PCDHA4: variants seen among roughly 807,000 people sequenced by gnomAD.
PCDHA4 encodes the protein protocadherin alpha 4, also known as protocadherin alpha-4.
In PCDHA4, 49 loss-of-function variants were observed where a neutral mutation model predicts 61.4. The observed-to-expected ratio is 0.80, with a 90% confidence interval of 0.63 to 1.01. The LOEUF (loss-of-function observed/expected upper bound fraction) is 1.01. PCDHA4 is among the 50% of genes least tolerant of loss of function. The pLI is 0.00. For synonymous variants in PCDHA4, 590 were observed against 550.3 expected, an observed-to-expected ratio of 1.07 and a Z score of -1.01; for missense variants, 1,254 against 1,235.8, an observed-to-expected ratio of 1.01 and a Z score of -0.22.
At chr5:140,934,729 T>G (rs2090016432) in intron 1 of PCDHA4, among the ~76,000 whole-genome samples, 1 of 152,164 alleles carries the variant, frequency 6.6e-6, no homozygotes, top group Non-Finnish European at 1.5e-5. Context: ...CAAGGCCTTT[T>G]TTAGGTGTCA....
chr5:140,952,113 G>T (rs2094688731), intron 1 of PCDHA4, among the ~76,000 whole-genome samples: 1 of 151,990 alleles, frequency 6.6e-6, no homozygotes. Flanking sequence ...TCGTGTGAGG[G>T]ATGGGCTCCC....
At position 140,931,063 on chromosome 5, in the gene PCDHA4, A is replaced by C. The variant is rs1584700470; in HGVS notation, c.2386-47886A>C. Among the ~76,000 whole-genome samples, 4 of 152,202 alleles carry C rather than the reference A, an allele frequency of 2.6e-5. No individual in the cohort carries two copies. In the South Asian group the frequency reaches 8.3e-4, roughly 31 times the overall value. On this transcript the variant is annotated intron_variant, in intron 1 of 3. Coordinates refer to ENST00000530339, the MANE Select transcript of PCDHA4 (RefSeq NM_018907.4). ...GAAAAACTTCAATGCTGTGTCTGGGACTAAGTATGAGTCCAGTTCTACAGA... is the reference window on the plus strand; with the variant it reads ...GAAAAACTTCAATGCTGTGTCTGGGCCTAAGTATGAGTCCAGTTCTACAGA...
chr5:140,905,580 T>C (rs2071928885), intron 1 of PCDHA4, among the ~76,000 whole-genome samples: 1 of 152,168 alleles, frequency 6.6e-6, no homozygotes, highest in Non-Finnish European at 1.5e-5. Flanking sequence ...AGAATGATAA[T>C]GATATTTTGC....
intron 1 of PCDHA4, chr5:140,871,249 C>A (rs782675743): frequency 8.1e-6 from 13 of 1,613,984 alleles, no homozygotes; most frequent in South Asian, 1.1e-5. Flanking sequence ...CACGCTGCTG[C>A]TGTATACGGC....
chr5:140,994,149 G>A (rs1299780463), intron 3 of PCDHA4, among the ~76,000 whole-genome samples: 2 of 152,174 alleles, frequency 1.3e-5, no homozygotes, highest in Non-Finnish European at 2.9e-5. Context: ...TACGTAGGTA[G>A]GGTCAACGAA....
Position 140,982,372 on chromosome 5 carries a change from C to G in PCDHA4, c.2445-103C>G, listed in dbSNP as rs1479669249. 1.9e-6 allele frequency: 3 copies of G among 1,554,840 alleles called. No homozygotes were observed. In the East Asian group the frequency reaches 7.0e-5, roughly 36 times the overall value. ...TTCAAGCATGAGCAGAATGTGTTAG[C>G]TGCAGCCCTGGCTTCATAGTTGTAA... On this transcript the variant is annotated intron_variant, in intron 2 of 3. Coordinates refer to ENST00000530339, the MANE Select transcript of PCDHA4 (RefSeq NM_018907.4).
intron 1 of PCDHA4, chr5:140,836,797 C>T: frequency 7.4e-7 from 1 of 1,343,980 alleles, no homozygotes; most frequent in Non-Finnish European, 1.0e-6. Context: ...AATTGGTCTC[C>T]TTAAATTTTC....
At chr5:140,959,549 A>G (rs1240469168) in intron 1 of PCDHA4, among the ~76,000 whole-genome samples, 1 of 152,248 alleles carries the variant, frequency 6.6e-6, no homozygotes, top group East Asian at 1.9e-4. Flanking sequence ...TGCTGTATAA[A>G]TAGAATCAGT....
rs545282445 is a variant in PCDHA4 at position 140,862,074 on chromosome 5, A to G, written c.2385+52502A>G. On this transcript the variant is annotated intron_variant, in intron 1 of 3. Transcript: ENST00000530339. The stretch of plus-strand genomic sequence containing the variant: ...TTTCTTTGCAACTGATGTCTCCCCT[A>G]ACATAGAAGCCCTTTTTCGCATAGA... 8.3e-5 allele frequency: 13 copies of G among 157,080 alleles called. No homozygotes were observed. The South Asian group carries it at 2.1e-3, about 26-fold the overall frequency. 9.7% of individuals were successfully genotyped at this position (157,080 alleles called of 1,614,324 possible).
intron 1 of PCDHA4, chr5:140,822,621 T>A (rs1767369085): frequency 6.2e-7 from 1 of 1,611,630 alleles, no homozygotes; most frequent in African/African-American, 1.3e-5. Context: ...TCTTTAGTAA[T>A]CTTGTTCTTG....
intron 1 of PCDHA4, chr5:140,822,447 A>T: frequency 6.2e-7 from 1 of 1,613,894 alleles, no homozygotes; most frequent in Non-Finnish European, 8.5e-7. Flanking sequence ...TAACAGGTAC[A>T]GTTCAGTTGT....
intron 1 of PCDHA4, chr5:140,854,391 A>C (rs251359): frequency 0.5 from 77,721 of 154,576 alleles, 22,387 homozygotes; most frequent in South Asian, 0.62. Flanking sequence ...TTACATTTTA[A>C]TTCAGGGTTT....
chr5:140,925,069 C>T (rs1240618705), intron 1 of PCDHA4, among the ~76,000 whole-genome samples: 1 of 149,418 alleles, frequency 6.7e-6, no homozygotes, highest in Non-Finnish European at 1.5e-5. Context: ...AACAAAGCAA[C>T]ACGCTCATCT....
intron 1 of PCDHA4, chr5:140,876,048 T>C (rs376201695): frequency 6.2e-7 from 1 of 1,613,930 alleles, no homozygotes. Context: ...GTATATTGCC[T>C]GAATTAGTTC....
At chr5:140,869,964 T>C (rs546576795) in intron 1 of PCDHA4, 1 of 1,613,046 alleles carries the variant, frequency 6.2e-7, no homozygotes, top group Non-Finnish European at 8.5e-7. Context: ...TTAAGCCCAA[T>C]GGAAGACACT....
intron 1 of PCDHA4, chr5:140,836,251 G>A: frequency 6.2e-7 from 1 of 1,613,786 alleles, no homozygotes; most frequent in South Asian, 1.1e-5. Flanking sequence ...ATCCCGTTCC[G>A]CGTGGGGCTG....
intron 1 of PCDHA4, among the ~76,000 whole-genome samples, chr5:140,910,320 A>G (rs1362740704): frequency 1.3e-5 from 2 of 152,212 alleles, no homozygotes; most frequent in African/African-American, 4.8e-5. Flanking sequence ...CATGAGTCAG[A>G]CTATTGTGAT....
chr5:140,891,055 G>A (rs2062932146), intron 1 of PCDHA4, among the ~76,000 whole-genome samples: 1 of 152,142 alleles, frequency 6.6e-6, no homozygotes, highest in Admixed American at 6.5e-5. Context: ...ACAGCACATA[G>A]TAAATATTAT....
At chr5:140,846,915 C>G (rs1464406518) in intron 1 of PCDHA4, among the ~76,000 whole-genome samples, 1 of 149,458 alleles carries the variant, frequency 6.7e-6, no homozygotes, top group Non-Finnish European at 1.5e-5. Context: ...CAATCATTTC[C>G]TATTTGAATT....
Sources: allele counts gnomAD v4.1 joint callset (sites outside exome capture counted in the v4.1 genomes callset), GRCh38; gene constraint gnomAD v4.1.1; transcripts MANE v1.5; gene names NCBI Gene and HGNC (gene_info 2026-07-23, HGNC 2026-07-21).